The following DLG2 variants were observed in gnomAD, a reference collection of about 807,000 sequenced individuals.
DLG2 encodes the protein disks large homolog 2.
In DLG2, 45 loss-of-function variants were observed where a neutral mutation model predicts 132.5. The ratio of observed to expected loss-of-function variants is 0.34; its 90% confidence interval spans 0.27 to 0.44. DLG2 has a LOEUF of 0.44. Ranked by LOEUF, DLG2 falls within the 20% of genes least tolerant of loss-of-function variation. DLG2 has a pLI of 1.00. For missense variants in DLG2, 1,045 were observed against 1,196.9 expected (o/e 0.87, Z 1.87); for synonymous variants, 424 against 419.6 (o/e 1.01, Z -0.13).
chr11:84,779,249 T>C (rs1487187541), intron 6 of DLG2, among the ~76,000 whole-genome samples: 1 of 152,108 alleles, frequency 6.6e-6, no homozygotes, highest in Non-Finnish European at 1.5e-5. Flanking sequence ...CATATCCTAT[T>C]AGTTCGGTCC....
At chr11:84,833,383 T>G (rs550202063) in intron 6 of DLG2, among the ~76,000 whole-genome samples, 59 of 151,688 alleles carry the variant, frequency 3.9e-4, no homozygotes, top group African/African-American at 1.4e-3. Flanking sequence ...TAGAATGGAA[T>G]GAAAACTGGT....
chr11:84,596,663 G>A (rs1390160817), intron 6 of DLG2, among the ~76,000 whole-genome samples: 2 of 152,052 alleles, frequency 1.3e-5, no homozygotes, highest in Admixed American at 6.6e-5. Context: ...TCATTTGTGG[G>A]TGGTACTCTG....
intron 3 of DLG2, among the ~76,000 whole-genome samples, chr11:85,497,708 C>A (rs997645023): frequency 6.6e-6 from 1 of 152,122 alleles, no homozygotes; most frequent in Non-Finnish European, 1.5e-5. Context: ...AAAGTGAAGC[C>A]CATCAGACTA....
chr11:84,319,993 G>A (rs182325502), intron 7 of DLG2, among the ~76,000 whole-genome samples: 1 of 152,200 alleles, frequency 6.6e-6, no homozygotes, highest in Admixed American at 6.5e-5. Flanking sequence ...TGTTCAACTA[G>A]CCCTCTGTAC....
At chr11:84,386,811 T>C (rs888127775) in intron 7 of DLG2, among the ~76,000 whole-genome samples, 6 of 152,124 alleles carry the variant, frequency 3.9e-5, no homozygotes, top group African/African-American at 1.4e-4. Flanking sequence ...CAAAATTTGT[T>C]TTATATTTGT....
chr11:85,333,040 C>T (rs2081876253), intron 3 of DLG2, among the ~76,000 whole-genome samples: 3 of 152,194 alleles, frequency 2.0e-5, no homozygotes, highest in African/African-American at 7.2e-5. Context: ...TTCCTTTGAT[C>T]GTATGGCCAT....
At chr11:84,505,851 T>A (rs188348078) in intron 7 of DLG2, among the ~76,000 whole-genome samples, 11 of 152,288 alleles carry the variant, frequency 7.2e-5, no homozygotes, top group East Asian at 5.8e-4. Flanking sequence ...ATGTATTTTA[T>A]AGTTCAATCT....
chr11:83,646,410 G>T (rs2068200741), intron 18 of DLG2, among the ~76,000 whole-genome samples: 1 of 151,770 alleles, frequency 6.6e-6, no homozygotes, highest in African/African-American at 2.4e-5. Flanking sequence ...AAAGAGAAAG[G>T]GAAAGAAGGA....
intron 19 of DLG2, among the ~76,000 whole-genome samples, chr11:83,566,524 C>T (rs1241180909): frequency 2.0e-5 from 3 of 152,092 alleles, no homozygotes; most frequent in African/African-American, 7.2e-5. Flanking sequence ...TCTGCCTACA[C>T]TTGACCACCT....
chr11:84,554,111 T>C (rs1177789168), intron 6 of DLG2, among the ~76,000 whole-genome samples: 2 of 152,224 alleles, frequency 1.3e-5, no homozygotes, highest in African/African-American at 4.8e-5. Context: ...CTTGGGCATA[T>C]CTTCGTCCAT....
chr11:84,100,374 A>G (rs960552959), intron 9 of DLG2, among the ~76,000 whole-genome samples: 1 of 149,808 alleles, frequency 6.7e-6, no homozygotes, highest in African/African-American at 2.4e-5. Context: ...AGGCATAATT[A>G]AAAGTCCCCC....
intron 3 of DLG2, among the ~76,000 whole-genome samples, chr11:85,498,027 G>A (rs929627358): frequency 6.6e-6 from 1 of 152,002 alleles, no homozygotes; most frequent in African/African-American, 2.4e-5. Context: ...TCAATTAACA[G>A]GCAAAATAAC....
chr11:84,576,439 T>G (rs953218031), intron 6 of DLG2, among the ~76,000 whole-genome samples: 5 of 152,208 alleles, frequency 3.3e-5, no homozygotes, highest in African/African-American at 1.2e-4. Context: ...CTTCTAGGAA[T>G]CAGAAAATGC....
intron 11 of DLG2, among the ~76,000 whole-genome samples, chr11:84,006,492 TTAAG>T (rs1469222996): frequency 6.6e-6 from 1 of 151,554 alleles, no homozygotes; most frequent in African/African-American, 2.4e-5. Flanking sequence ...CGATAAATAC[TTAAG>T]TATTTAACAC....
At chr11:84,264,447 T>C (rs2097585879) in intron 7 of DLG2, among the ~76,000 whole-genome samples, 1 of 152,132 alleles carries the variant, frequency 6.6e-6, no homozygotes, top group South Asian at 2.1e-4. Flanking sequence ...GCTACAACTG[T>C]GTGTTTAACA....
Position 84,992,160 on chromosome 11 carries a change from C to T in DLG2, c.357+119501G>A, listed in dbSNP as rs547615339. Among the ~76,000 whole-genome samples the T allele has an allele frequency of 6.7e-4, 102 of 152,174 alleles. 1 individual carries two copies. The highest frequency in any genetic ancestry group is 2.2e-3 in the African/African-American group (92 of 41,532). ...CTCATGTTTTCTGAACTTACTCATG[C>T]GTCTTTTTCTTGGGGAAGTCTTCTC... On this transcript the variant is annotated intron_variant, in intron 6 of 27. Transcript: ENST00000376104.
chr11:84,864,699 A>G (rs2154031848), intron 6 of DLG2, among the ~76,000 whole-genome samples: 1 of 152,310 alleles, frequency 6.6e-6, no homozygotes, highest in South Asian at 2.1e-4. Context: ...GTAATTACAG[A>G]GCAACATGGC....
intron 11 of DLG2, among the ~76,000 whole-genome samples, chr11:83,994,434 A>C (rs2093910247): frequency 6.6e-6 from 1 of 152,130 alleles, no homozygotes; most frequent in Admixed American, 6.6e-5. Context: ...GGTCTATGCT[A>C]TGTTGTCCAG....
intron 5 of DLG2, among the ~76,000 whole-genome samples, chr11:85,125,207 G>T (rs897081222): frequency 1.3e-5 from 2 of 152,092 alleles, no homozygotes; most frequent in African/African-American, 4.8e-5. Context: ...ACCCACATTT[G>T]TCTGAGAATA....
Sources: allele counts gnomAD v4.1 joint callset (sites outside exome capture counted in the v4.1 genomes callset), GRCh38; gene constraint gnomAD v4.1.1; transcripts MANE v1.5; gene names NCBI Gene and HGNC (gene_info 2026-07-23, HGNC 2026-07-21).